NTRK3: variants seen among roughly 807,000 people sequenced by gnomAD.
NTRK3 encodes the protein neurotrophic receptor tyrosine kinase 3.
Under a neutral mutation model 91.7 loss-of-function variants are expected in NTRK3, and 24 were observed. That is an observed-to-expected ratio of 0.26 (90% CI 0.19 to 0.37). The LOEUF (loss-of-function observed/expected upper bound fraction) is 0.37, where lower values mean the gene tolerates loss of function less well. NTRK3 is among the 10% of genes least tolerant of loss of function. The probability of loss-of-function intolerance (pLI) is 1.00; values close to 1 mark genes in which losing one functional copy is unlikely to be tolerated. For missense variants in NTRK3, 880 were observed against 1,068.9 expected, an observed-to-expected ratio of 0.82 and a Z score of 2.46; for synonymous variants, 483 against 404.0, an observed-to-expected ratio of 1.20 and a Z score of -2.34.
chr15:88,077,240 A>C (rs1018097053), intron 13 of NTRK3, among the ~76,000 whole-genome samples: 1 of 152,040 alleles, frequency 6.6e-6, no homozygotes, highest in South Asian at 2.1e-4. Context: ...CCTTCCTCCC[A>C]TTCCTGCTCC....
At chr15:87,929,158 G>T in intron 17 of NTRK3, 33 bp downstream of exon 17, 1 of 1,614,104 alleles carries the variant, frequency 6.2e-7, no homozygotes, top group African/African-American at 1.3e-5. Context: ...CTAGCTCTGT[G>T]GCTGAGTCCT....
exon 19 of NTRK3, chr15:87,863,733 C>CT (rs2064586279): frequency 8.8e-6 from 2 of 228,258 alleles, no homozygotes; most frequent in Non-Finnish European, 1.7e-5. Context: ...CTACTGATTT[C>CT]TTTTTCTGAT....
intron 14 of NTRK3, among the ~76,000 whole-genome samples, chr15:88,018,448 G>C (rs1246632935): frequency 6.6e-6 from 1 of 152,218 alleles, no homozygotes; most frequent in Admixed American, 6.5e-5. Context: ...AAACTCTAGA[G>C]TTTGAATCCT....
At chr15:87,896,402 C>G (rs2066125319) in intron 17 of NTRK3, among the ~76,000 whole-genome samples, 1 of 149,022 alleles carries the variant, frequency 6.7e-6, no homozygotes, top group Non-Finnish European at 1.5e-5. Flanking sequence ...ACCTGAGAGG[C>G]AGAGGTTGCA....
At position 88,206,853 on chromosome 15, in the gene NTRK3, G is replaced by A. The variant is rs185181294; in HGVS notation, c.249-22554C>T. On this transcript the variant is annotated intron_variant, in intron 3 of 18. Coordinates refer to ENST00000394480, the Ensembl canonical transcript of NTRK3. ...GTCTCTGCATCGGAGGCCCCACGCA[G>A]GGCCTTTGTTAGTGTCTGCTGGTGC... Among the ~76,000 whole-genome samples, 106 of 152,264 alleles carry A rather than the reference G, an allele frequency of 7.0e-4. 1 individual carries two copies. The highest frequency in any genetic ancestry group is 3.4e-3 in the Middle Eastern group (1 of 294).
chr15:88,079,600 C>A (rs1025638722), intron 13 of NTRK3, among the ~76,000 whole-genome samples: 4 of 152,178 alleles, frequency 2.6e-5, no homozygotes, highest in Admixed American at 2.0e-4. Flanking sequence ...TAGAACAAAA[C>A]CCTAAAGGGA....
At chr15:88,155,583 G>C (rs560734165) in intron 5 of NTRK3, among the ~76,000 whole-genome samples, 10 of 152,186 alleles carry the variant, frequency 6.6e-5, no homozygotes, top group Admixed American at 6.5e-4. Context: ...GTGAGCAATT[G>C]CAACAGAGAC....
intron 5 of NTRK3, among the ~76,000 whole-genome samples, chr15:88,163,633 A>T (rs2044666969): frequency 6.6e-6 from 1 of 152,218 alleles, no homozygotes; most frequent in Non-Finnish European, 1.5e-5. Flanking sequence ...TGCTTAGTAG[A>T]TGTTTATTGA....
chr15:87,995,830 C>G (rs1405152822), intron 14 of NTRK3, among the ~76,000 whole-genome samples: 1 of 152,156 alleles, frequency 6.6e-6, no homozygotes, highest in Non-Finnish European at 1.5e-5. Flanking sequence ...AGACAATGTG[C>G]AATGAATGAA....
intron 13 of NTRK3, among the ~76,000 whole-genome samples, 198 bp from the exon 14 acceptor site, chr15:88,033,243 A>G (rs544365063): frequency 1.8e-5 from 2 of 112,496 alleles, no homozygotes; most frequent in Non-Finnish European, 3.5e-5. Flanking sequence ...TTTCTGGTGT[A>G]TTTTAGATAT....
chr15:87,973,775 T>C (rs1173965364), intron 14 of NTRK3, among the ~76,000 whole-genome samples: 1 of 151,580 alleles, frequency 6.6e-6, no homozygotes, highest in Non-Finnish European at 1.5e-5. Context: ...TGCTTAAGAG[T>C]TTTCCCTGGG....
In NTRK3 at chr15:88,026,741, A is replaced by G. The variant is rs78957876; in HGVS notation, c.1585+6116T>C. 4.7e-4 allele frequency among the ~76,000 whole-genome samples: 71 copies of G among 152,354 alleles called. No homozygotes were observed. The East Asian group carries it at 0.013, about 27-fold the overall frequency. On this transcript the variant is annotated intron_variant, in intron 14 of 18. Coordinates refer to ENST00000394480, the Ensembl canonical transcript of NTRK3. The stretch of plus-strand genomic sequence containing the variant: ...AACTGTAGTGACAGGTGGGGACTTA[A>G]AGGAAATATGTGGGTGCTCTCTGTA...
At chr15:88,222,149 G>C (rs1283783854) in intron 3 of NTRK3, among the ~76,000 whole-genome samples, 1 of 152,196 alleles carries the variant, frequency 6.6e-6, no homozygotes, top group Non-Finnish European at 1.5e-5. Context: ...ATGCACGTGG[G>C]TCAGAACTCA....
At chr15:88,134,971 A>AGT in intron 10 of NTRK3, 130 bp downstream of exon 10, 2 of 1,099,030 alleles carry the variant, frequency 1.8e-6, no homozygotes, top group Non-Finnish European at 2.8e-6. Context: ...CACATGTTCC[A>AGT]GTGTGTGTTT....
chr15:87,980,685 T>C (rs531446014), intron 14 of NTRK3, among the ~76,000 whole-genome samples: 28 of 152,264 alleles, frequency 1.8e-4, no homozygotes, highest in African/African-American at 6.5e-4. Context: ...TTTGATTGCA[T>C]TGAGACTTTC....
At chr15:87,876,714 T>C (rs898281867) in exon 19 of NTRK3, 1 of 219,322 alleles carries the variant, frequency 4.6e-6, no homozygotes. Flanking sequence ...GTTAGATATA[T>C]AAATATATAT....
chr15:88,100,214 C>CA (rs575808475), intron 13 of NTRK3, among the ~76,000 whole-genome samples: 23 of 152,174 alleles, frequency 1.5e-4, no homozygotes, highest in Non-Finnish European at 2.9e-4. Context: ...GGGAGACACA[C>CA]ACAGCAAAGA....
chr15:88,111,641 T>C (rs1463205766), intron 13 of NTRK3, among the ~76,000 whole-genome samples: 1 of 152,172 alleles, frequency 6.6e-6, no homozygotes, highest in Non-Finnish European at 1.5e-5. Flanking sequence ...ATTCTGACTT[T>C]AAAATGTATG....
At chr15:88,141,312 G>A (rs577314794) in intron 6 of NTRK3, among the ~76,000 whole-genome samples, 2 of 152,320 alleles carry the variant, frequency 1.3e-5, no homozygotes, top group South Asian at 4.1e-4. Context: ...TTGCCGTAGT[G>A]CCAACACTAG....
Sources: allele counts gnomAD v4.1 joint callset (sites outside exome capture counted in the v4.1 genomes callset), GRCh38; gene constraint gnomAD v4.1.1; transcripts MANE v1.5; gene names NCBI Gene and HGNC (gene_info 2026-07-23, HGNC 2026-07-21).